Variants in HIVEP1 observed in about 807,000 individuals in gnomAD.
HIVEP1 encodes the protein zinc finger protein 40.
Under a neutral mutation model 180.0 loss-of-function variants are expected in HIVEP1, and 36 were observed. The observed-to-expected ratio is 0.20, with a 90% CI of 0.15 to 0.26. HIVEP1 has a LOEUF of 0.26. Ranked by LOEUF, HIVEP1 falls within the 10% of genes least tolerant of loss-of-function variation. HIVEP1 has a pLI of 1.00. For synonymous variants in HIVEP1, 1,239 were observed against 1,239.0 expected, an observed-to-expected ratio of 1.00 and a Z score of 0.00; for missense variants, 3,143 against 3,268.7, an observed-to-expected ratio of 0.96 and a Z score of 0.94.
chr6:12,041,950 T>C (rs1034756502), intron 2 of HIVEP1, among the ~76,000 whole-genome samples: 9 of 150,940 alleles, frequency 6.0e-5, no homozygotes, highest in Middle Eastern at 6.4e-3. Context: ...TGAGTCACCG[T>C]GCCTGGCCAG....
downstream of HIVEP1, among the ~76,000 whole-genome samples, chr6:12,169,727 G>A (rs1760847638): frequency 1.3e-5 from 2 of 152,286 alleles, no homozygotes; most frequent in East Asian, 1.9e-4. Context: ...TGATGCTAAG[G>A]AGTAGAACAA....
At chr6:12,072,710 T>C (rs1447736269) in intron 2 of HIVEP1, among the ~76,000 whole-genome samples, 1 of 152,228 alleles carries the variant, frequency 6.6e-6, no homozygotes, top group East Asian at 1.9e-4. Flanking sequence ...AGTTCGTGAC[T>C]CCTTTCCTAA....
chr6:12,084,392 A>T (rs562492650), intron 2 of HIVEP1, among the ~76,000 whole-genome samples: 16 of 152,252 alleles, frequency 1.1e-4, no homozygotes, highest in Middle Eastern at 3.4e-3. Flanking sequence ...GGTATTTGAG[A>T]TGTGAAACTC....
intron 7 of HIVEP1, among the ~76,000 whole-genome samples, chr6:12,158,581 C>T (rs144785762): frequency 3.9e-5 from 6 of 152,234 alleles, no homozygotes; most frequent in African/African-American, 9.6e-5. Flanking sequence ...GTCTCTGTTC[C>T]GATTGAGTTA....
At position 12,041,312 on chromosome 6, in the gene HIVEP1, C is replaced by T. The variant is rs528950223; in HGVS notation, c.40+25644C>T. Among the ~76,000 whole-genome samples the T allele has an allele frequency of 1.7e-4, 26 of 149,736 alleles. No homozygotes were observed. The South Asian group carries it at 5.4e-3, about 31-fold the overall frequency. On this transcript the variant is annotated intron_variant, in intron 2 of 8. Coordinates refer to ENST00000379388, the MANE Select transcript of HIVEP1 (RefSeq NM_002114.4). The stretch of plus-strand genomic sequence containing the variant: ...TGGTGGGCACCTGTAGTCCCAGTTA[C>T]TTGGGAGGCTGAGGCAGGAGAATGG...
intron 2 of HIVEP1, among the ~76,000 whole-genome samples, chr6:12,046,318 C>T (rs942986200): frequency 6.6e-6 from 1 of 152,184 alleles, no homozygotes; most frequent in Non-Finnish European, 1.5e-5. Context: ...TACTGCATTT[C>T]TGGACCTGTT....
At position 12,089,241 on chromosome 6, in the gene HIVEP1, A is replaced by T; in HGVS notation, c.94+4A>T. The T allele has an allele frequency of 6.5e-7, 1 of 1,530,984 alleles. No homozygotes were observed. The highest frequency in any genetic ancestry group is 9.0e-7 in the Non-Finnish European group (1 of 1,108,334). The allele number at this position is 1,530,984 out of a possible 1,614,324, so 94.8% of individuals were successfully genotyped here. On this transcript the variant is annotated splice_donor_region_variant and intron_variant, in intron 3 of 8. Transcript: ENST00000379388. ...GGGGCAGAAGTTTCAAAAAAAGGTAAATTAAAATCAGCTTGAATGTAAACT... is the reference window on the plus strand; with the variant it reads ...GGGGCAGAAGTTTCAAAAAAAGGTATATTAAAATCAGCTTGAATGTAAACT...
chr6:12,058,781 G>A (rs763282837), intron 2 of HIVEP1, among the ~76,000 whole-genome samples: 2 of 152,130 alleles, frequency 1.3e-5, no homozygotes, highest in Non-Finnish European at 2.9e-5. Flanking sequence ...TACAAGTCAC[G>A]TGGGGCTGAC....
chr6:12,038,871 T>G (rs1769483045), intron 2 of HIVEP1: 1 of 152,244 alleles, frequency 6.6e-6, no homozygotes, highest in African/African-American at 2.4e-5. Flanking sequence ...GCTCTGTGGA[T>G]GGGACGTTTT....
chr6:12,176,684 T>G, the HIVEP1 span, among the ~76,000 whole-genome samples: 2 of 140,938 alleles, frequency 1.4e-5, no homozygotes, highest in Non-Finnish European at 3.2e-5. Context: ...AAAGCATTGT[T>G]TTTTTTTCTT....
At chr6:12,197,916 T>A in the HIVEP1 span, among the ~76,000 whole-genome samples, 1 of 152,132 alleles carries the variant, frequency 6.6e-6, no homozygotes, top group Non-Finnish European at 1.5e-5. Context: ...AAGAATGTCA[T>A]AGAAATTTAG....
chr6:12,157,743 C>G (rs971612112), intron 7 of HIVEP1, among the ~76,000 whole-genome samples: 78 of 79,624 alleles, frequency 9.8e-4, no homozygotes, highest in Non-Finnish European at 2.5e-4. Flanking sequence ...ATCCGGGCCT[C>G]CATCTGATGT....
At chr6:12,074,643 T>TGTGTGTGTGTGTGTGTATGTGTGTGTGC (rs573970756) in intron 2 of HIVEP1, among the ~76,000 whole-genome samples, 1 of 148,032 alleles carries the variant, frequency 6.8e-6, no homozygotes, top group African/African-American at 2.6e-5. Context: ...TGTGTGTGTG[T>TGTGTGTGTGTGTGTGTATGTGTGTGTGC]GCGCGCGCGT....
intron 7 of HIVEP1, among the ~76,000 whole-genome samples, chr6:12,146,860 T>C (rs6916743): frequency 0.012 from 1,874 of 152,164 alleles, 36 homozygotes; most frequent in African/African-American, 0.043. Flanking sequence ...ATTACTATGA[T>C]GTGGCATGAG....
At chr6:12,132,184 G>GATTTT (rs1758460237) in intron 6 of HIVEP1, among the ~76,000 whole-genome samples, 1 of 152,182 alleles carries the variant, frequency 6.6e-6, no homozygotes, top group Non-Finnish European at 1.5e-5. Flanking sequence ...GTTTAAGGAT[G>GATTTT]ATTTTCCTTC....
At chr6:12,030,337 C>G (rs886591916) in intron 2 of HIVEP1, among the ~76,000 whole-genome samples, 25 of 152,014 alleles carry the variant, frequency 1.6e-4, no homozygotes, top group Non-Finnish European at 3.2e-4. Flanking sequence ...TTTGTTTTAT[C>G]AAATTTGGGG....
chr6:12,121,144 A>G lies in HIVEP1; in HGVS notation c.1349A>G (p.Tyr450Cys), dbSNP rs1040365078. Reference protein sequence around the residue: ...GFSFKTKSNLYKHKKSHAHTI... With the variant: ...GFSFKTKSNLCKHKKSHAHTI... ...TCATTTAAGACTAAAAGTAATCTGT[A>G]TAAGCACAAGAAATCCCACGCACAT... Residue 450 changes from tyrosine (Y) to cysteine (C), a missense_variant, in exon 4 of 9, where the codon TAT becomes TGT. Tyr to Cys is a radical substitution (Grantham distance 194, BLOSUM62 -2). Coordinates refer to ENST00000379388, the MANE Select transcript of HIVEP1 (RefSeq NM_002114.4). The surrounding 1 kb of genome is among the most constrained non-coding windows in gnomAD (Gnocchi z 5.3). 6.2e-7 allele frequency: 1 copy of G among 1,614,086 alleles called. No homozygotes were observed. The highest frequency in any genetic ancestry group is 8.5e-7 in the Non-Finnish European group (1 of 1,180,036).
intron 3 of HIVEP1, among the ~76,000 whole-genome samples, chr6:12,095,239 T>C (rs940003147): frequency 7.9e-5 from 12 of 151,984 alleles, no homozygotes; most frequent in Non-Finnish European, 4.4e-5. Flanking sequence ...CTCATCCTTT[T>C]TAGTTTCATT....
chr6:12,045,565 A>G (rs1770068945), intron 2 of HIVEP1, among the ~76,000 whole-genome samples: 1 of 152,246 alleles, frequency 6.6e-6, no homozygotes, highest in South Asian at 2.1e-4. Flanking sequence ...CAGCCTTGAG[A>G]TAGCCCATTA....
Sources: gnomAD v4.1 joint callset for allele counts (sites outside exome capture counted in the v4.1 genomes callset) on GRCh38, gnomAD v4.1.1 for gene constraint, Gnocchi (gnomAD v3.1) non-coding constraint, MANE v1.5 for transcripts, NCBI Gene and HGNC (gene_info 2026-07-23, HGNC 2026-07-21) for gene names.